Variants in TSC22D1 observed in about 807,000 individuals in gnomAD.
The protein encoded by TSC22D1 is TSC22 domain family protein 1.
Under a neutral mutation model 74.2 loss-of-function variants are expected in TSC22D1, and 9 were observed. The ratio of observed to expected loss-of-function variants is 0.12; its 90% CI spans 0.07 to 0.21. The LOEUF is 0.21. Among genes scored for constraint, TSC22D1 ranks in the 10% least tolerant of loss-of-function variants. The pLI is 1.00. For synonymous variants in TSC22D1, 586 were observed against 492.5 expected (o/e 1.19, Z -2.51); for missense variants, 1,427 against 1,304.7 (o/e 1.09, Z -1.44).
intron 1 of TSC22D1, among the ~76,000 whole-genome samples, chr13:44,468,297 T>C (rs905618313): frequency 4.0e-5 from 6 of 150,476 alleles, no homozygotes; most frequent in Admixed American, 1.3e-4. Flanking sequence ...GGGTGATGGG[T>C]ACACTAAAAG....
At position 44,575,520 on chromosome 13, in the gene TSC22D1, T is replaced by C. The variant is rs762101111; in HGVS notation, c.555A>G (p.Thr185=). 1 of 1,614,012 alleles carries C rather than the reference T, an allele frequency of 6.2e-7. No homozygotes were observed. The highest frequency in any genetic ancestry group is 1.7e-5 in the Admixed American group (1 of 60,014). ...GCTGGTTGGGAGAGACTGCCCCAGG[T>C]GTCTCGGCTTCCTGGAAGTTATTTA... ...ETLNNFQEAE[T]PGAVSPNQPH... Residue 185 remains threonine (T), a synonymous_variant, in exon 1 of 3, where the codon ACA becomes ACG. Transcript: ENST00000458659.
chr13:44,511,943 T>C (rs1207957486), intron 1 of TSC22D1, among the ~76,000 whole-genome samples: 3 of 152,162 alleles, frequency 2.0e-5, no homozygotes, highest in African/African-American at 7.2e-5. Flanking sequence ...TAAATGCCAA[T>C]GCTCCCAAAA....
intron 1 of TSC22D1, among the ~76,000 whole-genome samples, chr13:44,524,205 C>T (rs559259609): frequency 6.6e-6 from 1 of 151,892 alleles, no homozygotes; most frequent in East Asian, 1.9e-4. Context: ...CAAATTCAGA[C>T]ACTGAAAAAT....
chr13:44,541,905 G>C (rs1316858432), intron 1 of TSC22D1, among the ~76,000 whole-genome samples: 2 of 152,044 alleles, frequency 1.3e-5, no homozygotes, highest in South Asian at 2.1e-4. Context: ...GGTGCAAATA[G>C]GTGCTATAAA....
intron 1 of TSC22D1, among the ~76,000 whole-genome samples, chr13:44,505,466 A>T (rs1421219833): frequency 6.6e-6 from 1 of 152,098 alleles, no homozygotes; most frequent in Non-Finnish European, 1.5e-5. Flanking sequence ...AGGTGGGAGG[A>T]TTGCTTGATC....
chr13:44,517,774 T>TATACAC (rs1566149637), intron 1 of TSC22D1, among the ~76,000 whole-genome samples: 17 of 120,168 alleles, frequency 1.4e-4, no homozygotes, highest in South Asian at 2.6e-4. Flanking sequence ...TATATATATA[T>TATACAC]ATACACATAT....
intron 1 of TSC22D1, among the ~76,000 whole-genome samples, chr13:44,473,930 G>A (rs958572591): frequency 6.6e-6 from 1 of 152,152 alleles, no homozygotes; most frequent in Non-Finnish European, 1.5e-5. Flanking sequence ...GCAACTAAAT[G>A]TTTAAAGATC....
chr13:44,506,812 C>T (rs1023041426), intron 1 of TSC22D1, among the ~76,000 whole-genome samples: 1 of 152,094 alleles, frequency 6.6e-6, no homozygotes, highest in Non-Finnish European at 1.5e-5. Context: ...AGAGGTCATA[C>T]AGCCTGGACT....
chr13:44,494,573 TAAAAAG>T (rs1878880458), intron 1 of TSC22D1, among the ~76,000 whole-genome samples: 1 of 150,232 alleles, frequency 6.7e-6, no homozygotes, highest in African/African-American at 2.4e-5. Context: ...AAATAAAAAA[TAAAAAG>T]AAAGTCACCA....
intron 1 of TSC22D1, among the ~76,000 whole-genome samples, chr13:44,517,094 T>C (rs183821643): frequency 6.5e-4 from 99 of 152,330 alleles, no homozygotes; most frequent in African/African-American, 2.3e-3. Flanking sequence ...ACGTGTGTGT[T>C]TGTGTGTATA....
intron 1 of TSC22D1, among the ~76,000 whole-genome samples, chr13:44,516,959 AC>A (rs1302063754): frequency 6.6e-6 from 1 of 152,164 alleles, no homozygotes; most frequent in Non-Finnish European, 1.5e-5. Context: ...TCTTCCTGCC[AC>A]CTGCTGATCT....
intron 1 of TSC22D1, chr13:44,516,393 T>A (rs1033920704): frequency 4.7e-6 from 2 of 421,134 alleles, no homozygotes; most frequent in African/African-American, 4.3e-5. Flanking sequence ...AATCTCTTAA[T>A]AAATAAAAGT....
In TSC22D1 at chr13:44,440,430, AAAAC is replaced by A. The variant is rs370280873; in HGVS notation, c.2913-4339_2913-4336del. Among the ~76,000 whole-genome samples, 222 of 152,096 alleles carry A rather than the reference AAAAC, an allele frequency of 1.5e-3. 2 individuals are homozygous for A. Among genetic ancestry groups the A allele is most frequent in the African/African-American group, 5.1e-3 (210 of 41,488 alleles). ...CCCGTCTCCACTTTAAAAAAAAACA[AAAAC>A]AAATAAATTAGCTGGGCGTGGTGGC... On this transcript the variant is annotated intron_variant, in intron 1 of 2. Coordinates refer to ENST00000458659, the MANE Select transcript of TSC22D1 (RefSeq NM_183422.4).
intron 1 of TSC22D1, among the ~76,000 whole-genome samples, chr13:44,563,606 T>G (rs1003059010): frequency 6.6e-6 from 1 of 152,010 alleles, no homozygotes; most frequent in Non-Finnish European, 1.5e-5. Context: ...TTTTCTTATT[T>G]CCCCCCATTT....
chr13:44,462,747 A>G (rs539262609), intron 1 of TSC22D1, among the ~76,000 whole-genome samples: 2 of 152,302 alleles, frequency 1.3e-5, no homozygotes, highest in South Asian at 4.1e-4. Context: ...AATCAATAAG[A>G]TAATATAAAA....
intron 1 of TSC22D1, among the ~76,000 whole-genome samples, chr13:44,532,574 C>CAAGT: frequency 6.6e-6 from 1 of 152,108 alleles, no homozygotes; most frequent in African/African-American, 2.4e-5. Flanking sequence ...CCCAGGTCCT[C>CAAGT]GCCATTCTCC....
At chr13:44,539,481 G>A in intron 1 of TSC22D1, 2 of 985,266 alleles carry the variant, frequency 2.0e-6, no homozygotes, top group Non-Finnish European at 2.4e-6. Context: ...ATACCACAAA[G>A]GCCAAAATGG....
intron 1 of TSC22D1, among the ~76,000 whole-genome samples, chr13:44,541,372 T>C (rs1881457807): frequency 6.6e-6 from 1 of 152,096 alleles, no homozygotes; most frequent in Admixed American, 6.5e-5. Flanking sequence ...TCTGTACAAA[T>C]GAGAAATGAC....
chr13:44,459,257 A>G lies in TSC22D1; in HGVS notation c.2913-23162T>C, dbSNP rs370996512. Among the ~76,000 whole-genome samples, 6 of 152,240 alleles carry G rather than the reference A, an allele frequency of 3.9e-5. No homozygotes were observed. In the South Asian group the frequency reaches 1.2e-3, roughly 32 times the overall value. On this transcript the variant is annotated intron_variant, in intron 1 of 2. Coordinates refer to ENST00000458659, the MANE Select transcript of TSC22D1 (RefSeq NM_183422.4). The stretch of plus-strand genomic sequence containing the variant: ...TTGGGGTCTGCTCGACTTGTGGGGA[A>G]TGACCTGCCTGTGGAAAGGAGCTAT...
Sources: gnomAD v4.1 joint callset for allele counts (sites outside exome capture counted in the v4.1 genomes callset) on GRCh38, gnomAD v4.1.1 for gene constraint, MANE v1.5 for transcripts, NCBI Gene and HGNC (gene_info 2026-07-23, HGNC 2026-07-21) for gene names.